Variants in MGAT4D observed in about 807,000 individuals in gnomAD.
MGAT4D encodes MGAT4 family member D.
MGAT4D carries 34 observed loss-of-function variants against 15.9 expected under a neutral mutation model. The ratio of observed to expected loss-of-function variants is 2.14; its 90% confidence interval spans 1.62 to 2.84. The LOEUF (loss-of-function observed/expected upper bound fraction) is 2.84, where lower values mean the gene tolerates loss of function less well. Ranked by LOEUF, MGAT4D falls within the 30% of genes most tolerant of loss-of-function variation. The pLI, the probability that MGAT4D is intolerant of heterozygous loss-of-function variation, is 0.00. For synonymous variants in MGAT4D, 112 were observed against 48.2 expected, an observed-to-expected ratio of 2.33 and a Z score of -5.49; for missense variants, 327 against 140.2, an observed-to-expected ratio of 2.33 and a Z score of -6.73.
intron 5 of MGAT4D, among the ~76,000 whole-genome samples, chr4:140,469,505 G>C (rs572795084): frequency 6.6e-6 from 1 of 152,224 alleles, no homozygotes; most frequent in East Asian, 1.9e-4. Context: ...GCTCAAACAA[G>C]TACCCAAATA....
intron 1 of MGAT4D, among the ~76,000 whole-genome samples, chr4:140,483,165 TG>T: frequency 6.6e-6 from 1 of 152,296 alleles, no homozygotes; most frequent in Middle Eastern, 3.4e-3. Flanking sequence ...GTTGTGAAGA[TG>T]TAGTGCTGAT....
intron 1 of MGAT4D, among the ~76,000 whole-genome samples, chr4:140,487,051 G>A (rs937641419): frequency 6.6e-6 from 1 of 152,174 alleles, no homozygotes; most frequent in East Asian, 1.9e-4. Context: ...GTTTTCTCCA[G>A]AGGAAGCAGT....
intron 9 of MGAT4D, among the ~76,000 whole-genome samples, chr4:140,456,215 A>T (rs1204558344): frequency 6.6e-6 from 1 of 152,182 alleles, no homozygotes; most frequent in Non-Finnish European, 1.5e-5. Flanking sequence ...ACAAGTTTTA[A>T]CCTATCTATA....
At chr4:140,487,010 G>C (rs1733180719) in intron 1 of MGAT4D, among the ~76,000 whole-genome samples, 1 of 152,160 alleles carries the variant, frequency 6.6e-6, no homozygotes, top group Non-Finnish European at 1.5e-5. Context: ...TCAGTCCCTA[G>C]GGATCAATTT....
At chr4:140,477,077 A>G (rs58336376) in intron 3 of MGAT4D, among the ~76,000 whole-genome samples, 13,157 of 152,110 alleles carry the variant, frequency 0.086, 578 homozygotes, top group South Asian at 0.11. Context: ...TCCAGCCCCA[A>G]TAGTGCATGC....
intron 5 of MGAT4D, 82 bp from the exon 6 acceptor site, chr4:140,465,091 A>T (rs999741235): frequency 3.3e-6 from 2 of 605,826 alleles, no homozygotes; most frequent in African/African-American, 3.7e-5. Context: ...TAATTTTCTT[A>T]TGCATGGCCA....
chr4:140,478,438 A>G (rs946099776), intron 3 of MGAT4D, among the ~76,000 whole-genome samples: 42 of 152,158 alleles, frequency 2.8e-4, no homozygotes, highest in African/African-American at 9.7e-4. Context: ...CCTATAAACT[A>G]CAGCTTTTGT....
At chr4:140,484,450 A>G (rs1189793825) in intron 1 of MGAT4D, among the ~76,000 whole-genome samples, 1 of 152,156 alleles carries the variant, frequency 6.6e-6, no homozygotes. Flanking sequence ...CCATTATGGA[A>G]CACAATATGG....
At chr4:140,452,151 T>C (rs567552751) in intron 9 of MGAT4D, among the ~76,000 whole-genome samples, 4 of 151,984 alleles carry the variant, frequency 2.6e-5, no homozygotes, top group African/African-American at 9.7e-5. Context: ...TTGGGCAATA[T>C]AGTGAGACTC....
rs1730465275 is a variant in MGAT4D, at chr4:140,451,404, TCTTA to T, written c.1116+2_1116+5del. 5 of 588,182 alleles carry T rather than the reference TCTTA, an allele frequency of 8.5e-6. No individual in the cohort carries two copies. The highest frequency in any genetic ancestry group is 1.5e-5 in the Non-Finnish European group (5 of 327,686). The allele number at this position is 588,182 out of a possible 1,614,324, so 36.4% of individuals were successfully genotyped here. A position where few individuals can be genotyped will look rare whatever the true frequency, so the allele number is the denominator to read the frequency against. On this transcript the variant is annotated splice_donor_variant and splice_donor_5th_base_variant and intron_variant, in intron 10 of 10. Transcript: ENST00000511113. LOFTEE classifies it high-confidence loss of function. Reference sequence around the variant, plus strand: ...ATGTTACTAAAGTTACATTTCAAAATCTTACTTTTTCATATTGTTCTTTTCTAGG... The same window carrying T: ...ATGTTACTAAAGTTACATTTCAAAATCTTTTTCATATTGTTCTTTTCTAGG...
At chr4:140,492,263 G>A (rs1419538295) in intron 1 of MGAT4D, among the ~76,000 whole-genome samples, 1 of 152,148 alleles carries the variant, frequency 6.6e-6, no homozygotes, top group East Asian at 1.9e-4. Context: ...AGAGATGCTG[G>A]AGCTGTGAGG....
chr4:140,461,784 T>A, intron 7 of MGAT4D, 145 bp downstream of exon 7: 1 of 425,436 alleles, frequency 2.4e-6, no homozygotes, highest in African/African-American at 2.0e-5. Flanking sequence ...TAAAGTAAGG[T>A]GGAGGAATAC....
chr4:140,494,172 C>T (rs904733458), intron 1 of MGAT4D, among the ~76,000 whole-genome samples: 5 of 152,206 alleles, frequency 3.3e-5, no homozygotes, highest in African/African-American at 1.2e-4. Context: ...AATTCCATGA[C>T]AGGCACTGGC....
intron 9 of MGAT4D, among the ~76,000 whole-genome samples, chr4:140,454,782 A>G (rs1390375362): frequency 6.6e-6 from 1 of 152,200 alleles, no homozygotes; most frequent in African/African-American, 2.4e-5. Flanking sequence ...TAGATATAGG[A>G]CTACTCAGAT....
Position 140,443,420 on chromosome 4 carries a change from T to C in MGAT4D, c.*16A>G. 2 of 539,056 alleles carry C rather than the reference T, an allele frequency of 3.7e-6. No homozygotes were observed. The highest frequency in any genetic ancestry group is 2.2e-5 in the South Asian group (1 of 44,820). The allele number at this position is 539,056 out of a possible 1,614,324, so 33.4% of individuals were successfully genotyped here. ...TCTGAGGTTCCAGGTATTACAGAGT[T>C]TCTTCTTATTTATCTTCATATTTTC... On this transcript the variant is annotated 3_prime_UTR_variant, in exon 11 of 11. Transcript: ENST00000511113.
chr4:140,446,743 GTTTTTTTTTTTTTTTTTTTTTTTTTT>G (rs149442061), intron 10 of MGAT4D, among the ~76,000 whole-genome samples: 13 of 8,170 alleles, frequency 1.6e-3, no homozygotes, highest in East Asian at 6.8e-3. Context: ...TGCTTCTCTA[GTTTTTTTTTTTTTTTTTTTTTTTTTT>G]TTTTTTTTTT....
At chr4:140,492,878 TA>T (rs778346488) in intron 1 of MGAT4D, among the ~76,000 whole-genome samples, 2 of 152,194 alleles carry the variant, frequency 1.3e-5, no homozygotes, top group Non-Finnish European at 2.9e-5. Flanking sequence ...ATTGTCTCTC[TA>T]AACATCTAAG....
chr4:140,465,585 T>C (rs1240037346), intron 5 of MGAT4D, among the ~76,000 whole-genome samples: 1 of 152,170 alleles, frequency 6.6e-6, no homozygotes, highest in Non-Finnish European at 1.5e-5. Flanking sequence ...AATATAAATC[T>C]TGTACCATCA....
chr4:140,454,867 ATGCATGG>A (rs1388946063), intron 9 of MGAT4D, among the ~76,000 whole-genome samples: 1 of 150,788 alleles, frequency 6.6e-6, no homozygotes, highest in Non-Finnish European at 1.5e-5. Context: ...GCTCTTTTAT[ATGCATGG>A]AAGTGCCTGC....
Sources: gnomAD v4.1 joint callset for allele counts (sites outside exome capture counted in the v4.1 genomes callset) on GRCh38, gnomAD v4.1.1 for gene constraint, MANE v1.5 for transcripts, NCBI Gene and HGNC (gene_info 2026-07-23, HGNC 2026-07-21) for gene names.